MTAP: variants seen among roughly 807,000 people sequenced by gnomAD.
MTAP encodes S-methyl-5'-thioadenosine phosphorylase.
MTAP carries 33 observed loss-of-function variants against 33.6 expected under a neutral mutation model. The ratio of observed to expected loss-of-function variants is 0.98; its 90% CI spans 0.74 to 1.31. The LOEUF (loss-of-function observed/expected upper bound fraction) is 1.31, where lower values mean the gene tolerates loss of function less well. Among genes scored for constraint, MTAP ranks in the 40% most tolerant of loss-of-function variants. MTAP has a pLI of 0.00. For missense variants in MTAP, 367 were observed against 360.0 expected, an observed-to-expected ratio of 1.02 and a Z score of -0.16; for synonymous variants, 148 against 125.7, an observed-to-expected ratio of 1.18 and a Z score of -1.19.
At chr9:21,833,838 G>A (rs1231682750) in intron 4 of MTAP, among the ~76,000 whole-genome samples, 2 of 152,188 alleles carry the variant, frequency 1.3e-5, no homozygotes, top group African/African-American at 4.8e-5. Flanking sequence ...CTATCTTCAA[G>A]CCAATGTAAG....
chr9:21,827,247 C>T (rs562090975), intron 4 of MTAP, among the ~76,000 whole-genome samples: 11 of 152,180 alleles, frequency 7.2e-5, no homozygotes, highest in Non-Finnish European at 1.6e-4. Context: ...CACAATCCCC[C>T]ATCCAATCAC....
intron 1 of MTAP, among the ~76,000 whole-genome samples, chr9:21,876,556 G>A (rs1204298640): frequency 6.6e-6 from 1 of 152,110 alleles, no homozygotes; most frequent in Non-Finnish European, 1.5e-5. Flanking sequence ...TATGGTATAA[G>A]AAAGGGGTCC....
intron 5 of MTAP, among the ~76,000 whole-genome samples, chr9:21,841,003 C>G (rs1825229727): frequency 6.6e-6 from 1 of 152,062 alleles, no homozygotes; most frequent in African/African-American, 2.4e-5. Flanking sequence ...GTTTATGATA[C>G]AGCAGAGGCA....
intron 1 of MTAP, among the ~76,000 whole-genome samples, chr9:21,880,377 CA>C (rs759723223): frequency 9.9e-5 from 15 of 152,046 alleles, no homozygotes; most frequent in Non-Finnish European, 1.6e-4. Flanking sequence ...TATTTAGTTA[CA>C]GCAACAGAAA....
chr9:21,914,064 A>C (rs1008110037), intron 1 of MTAP, among the ~76,000 whole-genome samples: 7 of 152,250 alleles, frequency 4.6e-5, no homozygotes, highest in Non-Finnish European at 8.8e-5. Flanking sequence ...AGAAATGCAA[A>C]TCAAAATCAC....
intron 4 of MTAP, among the ~76,000 whole-genome samples, chr9:21,834,446 C>G (rs578155664): frequency 2.6e-5 from 4 of 152,328 alleles, no homozygotes; most frequent in Non-Finnish European, 5.9e-5. Context: ...CAGACCTTAT[C>G]TTTTAGTTCT....
intron 5 of MTAP, among the ~76,000 whole-genome samples, chr9:21,843,191 G>T (rs1825293900): frequency 2.0e-5 from 3 of 152,104 alleles, no homozygotes. Context: ...ATGATAAAAG[G>T]AGTAGTCCAA....
intron 5 of MTAP, among the ~76,000 whole-genome samples, chr9:21,849,743 A>G (rs1825468516): frequency 6.6e-6 from 1 of 152,208 alleles, no homozygotes; most frequent in Non-Finnish European, 1.5e-5. Context: ...TATCTCTCCC[A>G]TTTGGCCCAT....
rs747833481 is a variant in MTAP at position 21,863,907 on chromosome 9, C to A, written c.*1893C>A. The A allele has an allele frequency of 3.3e-5, 33 of 985,554 alleles. No individual in the cohort carries two copies. Among genetic ancestry groups the A allele is most frequent in the Non-Finnish European group, 3.9e-5 (32 of 829,912 alleles). 61.1% of individuals were successfully genotyped at this position (985,554 alleles called of 1,614,324 possible). A position where few individuals can be genotyped will look rare whatever the true frequency, so the allele number is the denominator to read the frequency against. ...CATTTGGGTCAAGTATGATTATGAC[C>A]CTTGGACTTCCTGATGTAGTATTAA... is the stretch of plus-strand genomic sequence containing the variant. On this transcript the variant is annotated 3_prime_UTR_variant, in exon 8 of 8. Coordinates refer to ENST00000644715, the MANE Select transcript of MTAP (RefSeq NM_002451.4).
intron 1 of MTAP, among the ~76,000 whole-genome samples, chr9:21,907,724 G>A (rs1367599057): frequency 6.6e-6 from 1 of 151,256 alleles, no homozygotes; most frequent in African/African-American, 2.4e-5. Flanking sequence ...AAATCTGAAA[G>A]ACATATATAA....
downstream of MTAP, among the ~76,000 whole-genome samples, chr9:21,940,661 C>T (rs1268832411): frequency 6.6e-6 from 1 of 152,048 alleles, no homozygotes; most frequent in Non-Finnish European, 1.5e-5. Flanking sequence ...ATATGATTGC[C>T]AGTTTATAAT....
intron 1 of MTAP, among the ~76,000 whole-genome samples, chr9:21,916,444 T>G (rs1055911790): frequency 1.3e-5 from 2 of 151,944 alleles, no homozygotes; most frequent in African/African-American, 4.8e-5. Flanking sequence ...ACCCCATCTC[T>G]ACTAGAAATA....
rs1460584683 is a variant in MTAP, at chr9:21,804,201, A to C, written c.33+1420A>C. Among the ~76,000 whole-genome samples the C allele has an allele frequency of 2.6e-5, 4 of 152,218 alleles. No individual in the cohort carries two copies. In the South Asian group the frequency reaches 6.2e-4, roughly 24 times the overall value. ...AAGCTTATTAAGTGGTAGTGCTTAT[A>C]AGTGGGGGAACTGAGATTAATTTTG... is the stretch of plus-strand genomic sequence containing the variant. On this transcript the variant is annotated intron_variant, in intron 1 of 7. Transcript: ENST00000644715.
intron 4 of MTAP, among the ~76,000 whole-genome samples, chr9:21,823,016 G>A (rs187833157): frequency 6.2e-4 from 94 of 152,278 alleles, no homozygotes; most frequent in African/African-American, 2.2e-3. Flanking sequence ...TTGAGCCTAT[G>A]TGTGTCTCTG....
rs187197981 is a variant in MTAP at position 21,911,723 on chromosome 9, G to A, written c.148-19285G>A. On this transcript the variant is annotated intron_variant, in intron 1 of 1. Coordinates refer to the MTAP transcript ENST00000577563. ...CCTAACATCACAATTAAAAGAACTA[G>A]AGAAGGAAGAGCAAACACATTCAAA... Among the ~76,000 whole-genome samples, 599 of 152,222 alleles carry A rather than the reference G, an allele frequency of 3.9e-3. 11 individuals carry two copies. In the East Asian group the frequency reaches 0.048, roughly 12 times the overall value.
At chr9:21,912,400 C>T (rs536684293) in intron 1 of MTAP, among the ~76,000 whole-genome samples, 25 of 152,224 alleles carry the variant, frequency 1.6e-4, no homozygotes, top group South Asian at 1.0e-3. Flanking sequence ...ACTGGCAAAC[C>T]GAATCCAGCA....
chr9:21,858,024 CATA>C (rs1392964816), intron 6 of MTAP, among the ~76,000 whole-genome samples: 1 of 152,146 alleles, frequency 6.6e-6, no homozygotes, highest in Non-Finnish European at 1.5e-5. Context: ...TCAGGAAGCA[CATA>C]ATGAGTGGTT....
At chr9:21,904,734 T>G (rs1259549980) in intron 1 of MTAP, among the ~76,000 whole-genome samples, 1 of 152,206 alleles carries the variant, frequency 6.6e-6, no homozygotes, top group Non-Finnish European at 1.5e-5. Context: ...TAACACCAAA[T>G]TTTTCAGCAT....
chr9:21,844,786 G>A (rs1825335356), intron 5 of MTAP, among the ~76,000 whole-genome samples: 1 of 152,172 alleles, frequency 6.6e-6, no homozygotes, highest in African/African-American at 2.4e-5. Flanking sequence ...TGTAATCCCA[G>A]CACTTTGGGA....
Sources: gnomAD v4.1 joint callset for allele counts (sites outside exome capture counted in the v4.1 genomes callset) on GRCh38, gnomAD v4.1.1 for gene constraint, MANE v1.5 for transcripts, NCBI Gene and HGNC (gene_info 2026-07-23, HGNC 2026-07-21) for gene names.